FAT2: variants seen among roughly 807,000 people sequenced by gnomAD.
FAT2 encodes the protein protocadherin Fat 2.
A neutral mutation model predicts 295.3 loss-of-function variants in FAT2; 150 were observed. That is an observed-to-expected ratio of 0.51 (90% CI 0.44 to 0.58). The LOEUF (loss-of-function observed/expected upper bound fraction) is 0.58. FAT2 is among the 20% of genes least tolerant of loss of function. FAT2 has a pLI of 0.00. For synonymous variants in FAT2, 2,026 were observed against 2,150.3 expected (o/e 0.94, Z 1.60); for missense variants, 4,868 against 5,442.7 (o/e 0.89, Z 3.32).
chr5:151,587,463 C>T (rs1354457654), intron 1 of FAT2, among the ~76,000 whole-genome samples: 3 of 152,142 alleles, frequency 2.0e-5, no homozygotes, highest in African/African-American at 7.2e-5. Flanking sequence ...GGGGCCTTTG[C>T]ATGTGTTATT....
In FAT2 at chr5:151,565,794, G is replaced by C; in HGVS notation, c.3138C>G (p.Pro1046=). 6.2e-7 allele frequency: 1 copy of C among 1,614,118 alleles called. No homozygotes were observed. Among genetic ancestry groups the C allele is most frequent in the Non-Finnish European group, 8.5e-7 (1 of 1,180,016 alleles). Residue 1046 remains proline, a synonymous_variant, in exon 2 of 24, where the codon CCC becomes CCG. Coordinates refer to ENST00000261800, the MANE Select transcript of FAT2 (RefSeq NM_001447.3). ...VHQGQVQENS[P]SGTQVIVVAA... The stretch of plus-strand genomic sequence containing the variant: ...CCACTACAATCACCTGAGTTCCCGA[G>C]GGGCTGTTCTCCTGCACCTGGCCCT...
chr5:151,583,711 T>C (rs1408140898), intron 1 of FAT2, among the ~76,000 whole-genome samples: 1 of 152,212 alleles, frequency 6.6e-6, no homozygotes, highest in Non-Finnish European at 1.5e-5. Flanking sequence ...AGTTCTTTTT[T>C]TAGGGGCCAG....
intron 3 of FAT2, among the ~76,000 whole-genome samples, chr5:151,561,231 G>A (rs1271882935): frequency 6.6e-6 from 1 of 152,216 alleles, no homozygotes; most frequent in African/African-American, 2.4e-5. Context: ...AAACAGAATG[G>A]CACATGCAAA....
At chr5:151,553,914 G>T (rs1418301475) in intron 5 of FAT2, among the ~76,000 whole-genome samples, 5 of 152,222 alleles carry the variant, frequency 3.3e-5, no homozygotes, top group African/African-American at 1.2e-4. Flanking sequence ...CTAGCAATGA[G>T]ACTGGGGTTG....
In FAT2 at chr5:151,550,742, C is replaced by A. The variant is rs745647805; in HGVS notation, c.4426G>T (p.Asp1476Tyr). 2.5e-6 allele frequency: 4 copies of A among 1,614,038 alleles called. No homozygotes were observed. Among genetic ancestry groups the A allele is most frequent in the Non-Finnish European group, 3.4e-6 (4 of 1,180,052 alleles). ...ELLRVQAIDQ[D>Y]KGKSLIYTIH... ...GTATAGATGAGGCTTTTGCCCTTGT[C>A]TTGATCTATGGCCTGGACTCGCAGG... The change falls in exon 8 of 24, where the codon GAC becomes TAC. Residue 1476 changes from aspartate to tyrosine, a missense_variant. Around this residue, in one of 5 missense-constraint regions of FAT2, gnomAD observed 3,297 missense variants for 3,669.4 expected, o/e 0.90. Transcript: ENST00000261800.
At chr5:151,523,133 T>A (rs1200673180) in intron 18 of FAT2, among the ~76,000 whole-genome samples, 1 of 152,100 alleles carries the variant, frequency 6.6e-6, no homozygotes, top group African/African-American at 2.4e-5. Context: ...ACACTTTTAA[T>A]GTACAAGAAA....
rs570102568 is a variant in FAT2, at chr5:151,531,556, T to C, written c.9811+31A>G. ...GCGCTCCCAGAAACCCTGTACGCGA[T>C]GCTTTGGGGCTTGGTGGATCAGGCT... On this transcript the variant is annotated intron_variant, in intron 14 of 23. Coordinates refer to ENST00000261800, the MANE Select transcript of FAT2 (RefSeq NM_001447.3). The surrounding 1 kb of genome is among the most constrained non-coding windows in gnomAD (Gnocchi z 5.7). 2.5e-6 allele frequency: 4 copies of C among 1,610,552 alleles called. No homozygotes were observed. Among genetic ancestry groups the C allele is most frequent in the African/African-American group, 1.3e-5 (1 of 74,854 alleles).
At chr5:151,589,287 C>G (rs1158784958) in intron 1 of FAT2, among the ~76,000 whole-genome samples, 1 of 152,198 alleles carries the variant, frequency 6.6e-6, no homozygotes, top group African/African-American at 2.4e-5. Flanking sequence ...ACAGCCTCTC[C>G]CACCTGGCCT....
chr5:151,537,788 C>T lies in FAT2; in HGVS notation c.9193+5G>A, dbSNP rs1462702276. 3.1e-6 allele frequency: 5 copies of T among 1,606,348 alleles called. No homozygotes were observed. Among genetic ancestry groups the T allele is most frequent in the Non-Finnish European group, 4.3e-6 (5 of 1,175,254 alleles). ...TGTTTTGATCCTGCAGCTCAGGAAA[C>T]CCACCTGTATGAGGATCCAGCTTGA... On this transcript the variant is annotated splice_donor_5th_base_variant and intron_variant, in intron 12 of 23. Coordinates refer to ENST00000261800, the MANE Select transcript of FAT2 (RefSeq NM_001447.3).
chr5:151,581,738 C>G (rs1277989110), intron 1 of FAT2, among the ~76,000 whole-genome samples: 2 of 152,240 alleles, frequency 1.3e-5, no homozygotes, highest in African/African-American at 4.8e-5. Flanking sequence ...GGATAAAACT[C>G]AGATCACCTG....
Position 151,559,409 on chromosome 5 carries a change from A to C in FAT2, c.3575-3007T>G, listed in dbSNP as rs543936358. ...TGGATACTGTCCCAGCTTGGCCCCA[A>C]GCTGAGGGGCCTCATGGGGAAGGGC... On this transcript the variant is annotated intron_variant, in intron 3 of 23. Coordinates refer to ENST00000261800, the MANE Select transcript of FAT2 (RefSeq NM_001447.3). Among the ~76,000 whole-genome samples the C allele has an allele frequency of 2.4e-4, 37 of 152,204 alleles. No homozygotes were observed. The South Asian group carries it at 6.6e-3, about 27-fold the overall frequency.
intron 3 of FAT2, among the ~76,000 whole-genome samples, chr5:151,559,244 C>T (rs1002635027): frequency 5.3e-5 from 8 of 152,198 alleles, no homozygotes; most frequent in Admixed American, 2.0e-4. Flanking sequence ...CAAGTCATTC[C>T]GGCTTTTTCT....
intron 1 of FAT2, among the ~76,000 whole-genome samples, chr5:151,587,279 T>A (rs543496072): frequency 6.6e-6 from 1 of 152,322 alleles, no homozygotes; most frequent in Admixed American, 6.5e-5. Flanking sequence ...TAGTACATTA[T>A]ATATATGTGA....
rs750553614 is a variant in FAT2 at position 151,507,612 on chromosome 5, C to T, written c.12060-1G>A. 2 of 1,512,024 alleles carry T rather than the reference C, an allele frequency of 1.3e-6. No individual in the cohort carries two copies. Among genetic ancestry groups the T allele is most frequent in the Admixed American group, 2.0e-5 (1 of 49,044 alleles). The allele number at this position is 1,512,024 out of a possible 1,614,324, so 93.7% of individuals were successfully genotyped here. A position where few individuals can be genotyped will look rare whatever the true frequency, so the allele number is the denominator to read the frequency against. On this transcript the variant is annotated splice_acceptor_variant, in intron 22 of 23. Transcript: ENST00000261800. LOFTEE classifies it high-confidence loss of function. ...ACAACCCCTCGCCTCCATTTCACACCTGCGGAGACAGAGTAGTCAGGGGGC... is the reference window on the plus strand; with the variant it reads ...ACAACCCCTCGCCTCCATTTCACACTTGCGGAGACAGAGTAGTCAGGGGGC...
chr5:151,567,757 T>C lies in FAT2; in HGVS notation c.1175A>G (p.Asn392Ser), dbSNP rs772018674. 12 of 1,614,012 alleles carry C rather than the reference T, an allele frequency of 7.4e-6. No individual in the cohort carries two copies. In the Middle Eastern group the frequency reaches 5.0e-4, roughly 67 times the overall value. The change falls in exon 2 of 24, where the codon AAC (asparagine) becomes AGC (serine). Residue 392 changes from asparagine (N) to serine (S), a missense_variant. By Grantham distance (46) the Asn-to-Ser change is conservative. Transcript: ENST00000261800. ...VMVRVTPAFP[N>S]LQYVLKPSSE... ...AGATGGCTTTAGAACATACTGCAGG[T>C]TGGGGAAGGCTGGGGTGACTCTCAC...
At chr5:151,555,884 C>A (rs1757650104) in intron 4 of FAT2, among the ~76,000 whole-genome samples, 1 of 152,134 alleles carries the variant, frequency 6.6e-6, no homozygotes, top group Admixed American at 6.5e-5. Flanking sequence ...GGTCACTAAC[C>A]AAAGCCTTTC....
chr5:151,573,357 G>A (rs1171774277), intron 1 of FAT2, among the ~76,000 whole-genome samples: 5 of 152,212 alleles, frequency 3.3e-5, no homozygotes, highest in African/African-American at 4.8e-5. Flanking sequence ...TGAGTTTGTG[G>A]ATAATAAAAA....
At chr5:151,510,355 C>T (rs1761226815) in intron 21 of FAT2, 181 bp from the exon 22 acceptor site, 6 of 619,666 alleles carry the variant, frequency 9.7e-6, no homozygotes, top group East Asian at 5.7e-5. Flanking sequence ...GCACTTTGGT[C>T]CCTGCCCTCA....
rs1379979169 is a variant in FAT2 at position 151,542,303 on chromosome 5, C to G, written c.8824G>C (p.Val2942Leu). Reference protein sequence around the residue: ...DADISEQNRQVTCYITEGDPL... With the variant: ...DADISEQNRQLTCYITEGDPL... ...TTCTTACCTGTGATGTAGCAGGTGACCTGCCTGTTCTGCTCAGAAATGTCA... is the reference window on the plus strand; with the variant it reads ...TTCTTACCTGTGATGTAGCAGGTGAGCTGCCTGTTCTGCTCAGAAATGTCA... Residue 2942 changes from valine to leucine, a missense_variant, in exon 10 of 24, where the codon GTC becomes CTC. Val to Leu is a conservative substitution (Grantham distance 32, BLOSUM62 1). This residue lies in a region of FAT2 where 3,297 missense variants were observed against 3,669.4 expected (regional missense o/e 0.90). Transcript: ENST00000261800. The G allele has an allele frequency of 6.2e-7, 1 of 1,602,138 alleles. No individual in the cohort carries two copies. The highest frequency in any genetic ancestry group is 1.3e-5 in the African/African-American group (1 of 74,602).
Sources: gnomAD v4.1 joint callset for allele counts (sites outside exome capture counted in the v4.1 genomes callset) on GRCh38, gnomAD v4.1.1 for gene constraint, gnomAD v4.1.1 regional missense constraint, Gnocchi (gnomAD v3.1) non-coding constraint, MANE v1.5 for transcripts, NCBI Gene and HGNC (gene_info 2026-07-23, HGNC 2026-07-21) for gene names.